NKAIN3: variants seen among roughly 807,000 people sequenced by gnomAD.
NKAIN3 encodes sodium/potassium transporting ATPase interacting 3.
In NKAIN3, 25 loss-of-function variants were observed where a neutral mutation model predicts 30.2. The observed-to-expected ratio is 0.83, with a 90% CI of 0.60 to 1.16. The LOEUF (loss-of-function observed/expected upper bound fraction) is 1.16, where lower values mean the gene tolerates loss of function less well. Ranked by LOEUF, NKAIN3 falls within the 50% of genes most tolerant of loss-of-function variation. NKAIN3 has a pLI of 0.00. For synonymous variants in NKAIN3, 91 were observed against 89.6 expected (o/e 1.02, Z -0.09); for missense variants, 225 against 254.1 (o/e 0.89, Z 0.78).
chr8:62,638,686 A>T (rs1434275318), intron 3 of NKAIN3, among the ~76,000 whole-genome samples: 2 of 152,064 alleles, frequency 1.3e-5, no homozygotes, highest in Non-Finnish European at 2.9e-5. Context: ...CCCCAATTTA[A>T]TACTTACAAA....
At chr8:62,422,574 C>T (rs974975603) in intron 1 of NKAIN3, among the ~76,000 whole-genome samples, 2 of 152,200 alleles carry the variant, frequency 1.3e-5, no homozygotes, top group Middle Eastern at 3.4e-3. Context: ...GCACTTGTCC[C>T]ATCATCTCCA....
At chr8:62,896,024 G>A (rs1051911018) in intron 4 of NKAIN3, among the ~76,000 whole-genome samples, 1 of 151,622 alleles carries the variant, frequency 6.6e-6, no homozygotes, top group African/African-American at 2.4e-5. Context: ...TCAGGACAAC[G>A]TTGATGTCTC....
At chr8:62,370,120 C>T (rs1282999914) in intron 1 of NKAIN3, among the ~76,000 whole-genome samples, 5 of 151,944 alleles carry the variant, frequency 3.3e-5, no homozygotes, top group Non-Finnish European at 5.9e-5. Context: ...ACCAAATCAA[C>T]AGTGTCAAAT....
At position 62,465,962 on chromosome 8, in the gene NKAIN3, T is replaced by G. The variant is rs562122662; in HGVS notation, c.55-113577T>G. Among the ~76,000 whole-genome samples the G allele has an allele frequency of 2.0e-5, 3 of 151,954 alleles. No homozygotes were observed. The South Asian group carries it at 6.3e-4, about 32-fold the overall frequency. On this transcript the variant is annotated intron_variant, in intron 1 of 6. Coordinates refer to ENST00000623646, the MANE Select transcript of NKAIN3 (RefSeq NM_001304533.3). ...CTCTTGAACCTAGGAGGCAGAGGTT[T>G]AGTGAGCCAAGATCGCGCACCACTG... is the stretch of plus-strand genomic sequence containing the variant.
rs529654676 is a variant in NKAIN3, at chr8:62,415,283, A to G, written c.55-164256A>G. ...TAATATACACTATAGTATATATTAT[A>G]TACTATATATATTTATATATATCTA... On this transcript the variant is annotated intron_variant, in intron 1 of 6. Transcript: ENST00000623646. Among the ~76,000 whole-genome samples the G allele has an allele frequency of 6.2e-3, 898 of 144,734 alleles. 6 individuals are homozygous for G. The highest frequency in any genetic ancestry group is 0.022 in the African/African-American group (856 of 39,692). 95.0% of individuals were successfully genotyped at this position (144,734 alleles called of 152,430 possible).
At chr8:62,995,962 A>G (rs977425241) in intron 5 of NKAIN3, among the ~76,000 whole-genome samples, 1 of 152,212 alleles carries the variant, frequency 6.6e-6, no homozygotes, top group Non-Finnish European at 1.5e-5. Flanking sequence ...TCTGTGAACA[A>G]GCTCTGCAGG....
intron 5 of NKAIN3, among the ~76,000 whole-genome samples, chr8:62,932,145 A>G (rs1259671125): frequency 6.6e-6 from 1 of 152,246 alleles, no homozygotes; most frequent in Non-Finnish European, 1.5e-5. Flanking sequence ...TAGTCCTTAA[A>G]ATATTGTCCT....
At chr8:62,320,000 A>G (rs1331879297) in intron 1 of NKAIN3, among the ~76,000 whole-genome samples, 1 of 152,052 alleles carries the variant, frequency 6.6e-6, no homozygotes, top group Non-Finnish European at 1.5e-5. Flanking sequence ...GACTTGCTTT[A>G]TGAATCTGGG....
At chr8:62,922,079 G>C (rs1267582079) in intron 5 of NKAIN3, among the ~76,000 whole-genome samples, 2 of 152,108 alleles carry the variant, frequency 1.3e-5, no homozygotes, top group African/African-American at 2.4e-5. Flanking sequence ...AACCCTAACA[G>C]TTTTTGAAAG....
chr8:62,841,739 T>G (rs971128875), intron 4 of NKAIN3, among the ~76,000 whole-genome samples: 1 of 152,184 alleles, frequency 6.6e-6, no homozygotes, highest in Non-Finnish European at 1.5e-5. Context: ...TGATTCCATA[T>G]CTTGACTACT....
At chr8:62,321,906 G>A (rs570389122) in intron 1 of NKAIN3, among the ~76,000 whole-genome samples, 2 of 152,278 alleles carry the variant, frequency 1.3e-5, no homozygotes, top group African/African-American at 2.4e-5. Flanking sequence ...CGTTTTGTTT[G>A]GTTATGCCCT....
chr8:62,696,747 A>G (rs1394521286), intron 3 of NKAIN3, among the ~76,000 whole-genome samples: 1 of 152,156 alleles, frequency 6.6e-6, no homozygotes, highest in Non-Finnish European at 1.5e-5. Flanking sequence ...TCTGAGAGAC[A>G]TTTGTGAGAT....
intron 3 of NKAIN3, among the ~76,000 whole-genome samples, chr8:62,732,913 A>C (rs903604079): frequency 1.3e-5 from 2 of 152,082 alleles, no homozygotes; most frequent in African/African-American, 4.8e-5. Flanking sequence ...TTAGTTGTAG[A>C]ATTAGTCAAA....
At chr8:62,373,930 T>C (rs1208005391) in intron 1 of NKAIN3, among the ~76,000 whole-genome samples, 1 of 151,802 alleles carries the variant, frequency 6.6e-6, no homozygotes, top group Non-Finnish European at 1.5e-5. Context: ...CTGGGCAACA[T>C]GGTGAAACCC....
chr8:62,695,143 T>C (rs1365750224), intron 3 of NKAIN3, among the ~76,000 whole-genome samples: 1 of 152,212 alleles, frequency 6.6e-6, no homozygotes, highest in Non-Finnish European at 1.5e-5. Context: ...TGGCACTTTT[T>C]ACATGCTCAA....
At chr8:62,819,974 G>A (rs745748314) in intron 4 of NKAIN3, among the ~76,000 whole-genome samples, 1 of 152,090 alleles carries the variant, frequency 6.6e-6, no homozygotes, top group Non-Finnish European at 1.5e-5. Context: ...AGGGAAAGCA[G>A]CAAATTTTTT....
chr8:62,308,633 A>G (rs960635678), intron 1 of NKAIN3, among the ~76,000 whole-genome samples: 1 of 150,394 alleles, frequency 6.6e-6, no homozygotes, highest in African/African-American at 2.5e-5. Context: ...TTCATGGGTC[A>G]TGGTGGAGGT....
chr8:62,533,844 GA>G (rs1368975878), intron 1 of NKAIN3, among the ~76,000 whole-genome samples: 1 of 152,096 alleles, frequency 6.6e-6, no homozygotes, highest in Non-Finnish European at 1.5e-5. Context: ...TGAAATTATG[GA>G]AAACAAAATT....
At chr8:62,550,374 T>A (rs1208555213) in intron 1 of NKAIN3, among the ~76,000 whole-genome samples, 1 of 152,226 alleles carries the variant, frequency 6.6e-6, no homozygotes, top group East Asian at 1.9e-4. Context: ...TAAGTTCTTT[T>A]AGGAACGTAA....
Sources: gnomAD v4.1 joint callset for allele counts (sites outside exome capture counted in the v4.1 genomes callset) on GRCh38, gnomAD v4.1.1 for gene constraint, MANE v1.5 for transcripts, NCBI Gene and HGNC (gene_info 2026-07-23, HGNC 2026-07-21) for gene names.